Variants in KCTD8 observed in about 807,000 individuals in gnomAD.
KCTD8 encodes the protein BTB/POZ domain-containing protein KCTD8.
A neutral mutation model predicts 31.5 loss-of-function variants in KCTD8; 27 were observed. That is an observed-to-expected ratio of 0.86 (90% CI 0.63 to 1.18). The LOEUF is 1.18. Among genes scored for constraint, KCTD8 ranks in the 50% most tolerant of loss-of-function variants. The pLI, the probability that KCTD8 is intolerant of heterozygous loss-of-function variation, is 0.00. For missense variants in KCTD8, 658 were observed against 647.7 expected (o/e 1.02, Z -0.17); for synonymous variants, 290 against 280.0 (o/e 1.04, Z -0.36).
chr4:44,195,278 A>G (rs1713905056), intron 1 of KCTD8, among the ~76,000 whole-genome samples: 2 of 152,130 alleles, frequency 1.3e-5, no homozygotes, highest in Non-Finnish European at 2.9e-5. Flanking sequence ...AAGACTCCTA[A>G]TTAAGAATTA....
chr4:44,268,233 T>TATGCAAA (rs1189833136), intron 1 of KCTD8, among the ~76,000 whole-genome samples: 2 of 151,922 alleles, frequency 1.3e-5, no homozygotes, highest in Non-Finnish European at 2.9e-5. Flanking sequence ...GCAAGGCTGG[T>TATGCAAA]TCAATATATG....
intron 1 of KCTD8, among the ~76,000 whole-genome samples, chr4:44,422,758 T>A (rs1276319843): frequency 3.3e-5 from 5 of 152,056 alleles, no homozygotes; most frequent in Non-Finnish European, 7.4e-5. Context: ...GGCAGTAGAA[T>A]GAGAATAACA....
At chr4:44,316,360 GT>G (rs199534565) in intron 1 of KCTD8, among the ~76,000 whole-genome samples, 1 of 150,952 alleles carries the variant, frequency 6.6e-6, no homozygotes, top group East Asian at 1.9e-4. Context: ...CTTTTGTTTT[GT>G]TTTTTTTGTT....
intron 1 of KCTD8, among the ~76,000 whole-genome samples, chr4:44,394,958 T>A (rs1052310478): frequency 2.0e-5 from 3 of 152,100 alleles, no homozygotes; most frequent in South Asian, 2.1e-4. Context: ...TGATGGTCCT[T>A]CGTGTTCTCA....
Position 44,447,505 on chromosome 4 carries a change from T to A in KCTD8, c.961+58A>T. On this transcript the variant is annotated intron_variant, in intron 1 of 1. Coordinates refer to ENST00000360029, the MANE Select transcript of KCTD8 (RefSeq NM_198353.3). ...GCGGGGCCTCCAGCGGGGCTCAAACTGGCGGCGGCTCAGCAGGGGGCGAGG... is the reference window on the plus strand; with the variant it reads ...GCGGGGCCTCCAGCGGGGCTCAAACAGGCGGCGGCTCAGCAGGGGGCGAGG... 4.8e-6 allele frequency: 7 copies of A among 1,454,026 alleles called. 1 individual carries two copies. Among genetic ancestry groups the A allele is most frequent in the Middle Eastern group, 1.9e-4 (1 of 5,346 alleles). The allele number at this position is 1,454,026 out of a possible 1,614,324, so 90.1% of individuals were successfully genotyped here.
chr4:44,178,470 ATGT>A (rs1244529932), intron 1 of KCTD8, among the ~76,000 whole-genome samples: 13 of 152,200 alleles, frequency 8.5e-5, no homozygotes, highest in East Asian at 3.9e-4. Flanking sequence ...ATATAAATAA[ATGT>A]TGTTTTTTTT....
At chr4:44,241,844 T>C (rs937062) in intron 1 of KCTD8, among the ~76,000 whole-genome samples, 8,135 of 152,198 alleles carry the variant, frequency 0.053, 737 homozygotes, top group African/African-American at 0.19. Context: ...GTAATGAAGA[T>C]TGTTTCAGAG....
intron 1 of KCTD8, among the ~76,000 whole-genome samples, chr4:44,257,700 C>T (rs942763611): frequency 3.3e-5 from 5 of 152,070 alleles, no homozygotes; most frequent in Admixed American, 6.6e-5. Flanking sequence ...CTGATGTCAT[C>T]GGTGCCAGCT....
At position 44,318,488 on chromosome 4, in the gene KCTD8, T is replaced by TA. The variant is rs376207203; in HGVS notation, c.961+129074dup. On this transcript the variant is annotated intron_variant, in intron 1 of 1. Coordinates refer to ENST00000360029, the MANE Select transcript of KCTD8 (RefSeq NM_198353.3). ...AAGATGTCATCTGGAACGTGAAACTTAAAAAAAATGTTTTACTAGGAGGAA... is the reference window on the plus strand; with the variant it reads ...AAGATGTCATCTGGAACGTGAAACTTAAAAAAAAATGTTTTACTAGGAGGAA... Among the ~76,000 whole-genome samples, 231 of 152,058 alleles carry TA rather than the reference T, an allele frequency of 1.5e-3. 3 individuals are homozygous for TA. Among genetic ancestry groups the TA allele is most frequent in the South Asian group, 0.013 (64 of 4,814 alleles).
At position 44,447,562 on chromosome 4, in the gene KCTD8, C is replaced by T; in HGVS notation, c.961+1G>A. 6.4e-7 allele frequency: 1 copy of T among 1,550,674 alleles called. No individual in the cohort carries two copies. Among genetic ancestry groups the T allele is most frequent in the Non-Finnish European group, 8.7e-7 (1 of 1,143,210 alleles). On this transcript the variant is annotated splice_donor_variant, in intron 1 of 1. Transcript: ENST00000360029. LOFTEE classifies it high-confidence loss of function. ...GGGAAACGCCGGGGCTGCGAACTTA[C>T]GGAAGAAAATGTACTCGGTGTAGCT...
intron 1 of KCTD8, among the ~76,000 whole-genome samples, chr4:44,422,397 C>A (rs1721235924): frequency 6.6e-6 from 1 of 151,940 alleles, no homozygotes; most frequent in Non-Finnish European, 1.5e-5. Context: ...GAACTAACAT[C>A]CATAGCCAAG....
chr4:44,305,075 G>A (rs1717761288), intron 1 of KCTD8, among the ~76,000 whole-genome samples: 1 of 151,836 alleles, frequency 6.6e-6, no homozygotes, highest in Non-Finnish European at 1.5e-5. Flanking sequence ...GTAGAATAAA[G>A]GATTTGATTA....
chr4:44,418,779 A>G (rs533300940), intron 1 of KCTD8, among the ~76,000 whole-genome samples: 1 of 152,276 alleles, frequency 6.6e-6, no homozygotes, highest in African/African-American at 2.4e-5. Flanking sequence ...AGTGGTAAAA[A>G]CAGATACTAT....
In KCTD8 at chr4:44,433,482, T is replaced by C. The variant is rs374250495; in HGVS notation, c.961+14081A>G. Among the ~76,000 whole-genome samples the C allele has an allele frequency of 3.3e-5, 5 of 151,766 alleles. No individual in the cohort carries two copies. The East Asian group carries it at 7.7e-4, about 24-fold the overall frequency. ...GATGAGAAATTCAAGGAAGGTTTTA[T>C]GGAGCTCTTCACAGATGGGAGTATA... On this transcript the variant is annotated intron_variant, in intron 1 of 1. Transcript: ENST00000360029.
At chr4:44,190,352 C>A (rs1713728874) in intron 1 of KCTD8, among the ~76,000 whole-genome samples, 1 of 152,216 alleles carries the variant, frequency 6.6e-6, no homozygotes, top group Non-Finnish European at 1.5e-5. Flanking sequence ...CACATGCATT[C>A]CTGTCTTTAA....
At chr4:44,360,331 T>A (rs1009651645) in intron 1 of KCTD8, among the ~76,000 whole-genome samples, 4 of 152,010 alleles carry the variant, frequency 2.6e-5, no homozygotes, top group African/African-American at 9.7e-5. Context: ...GCTCCCTGTT[T>A]TGCTTTACAC....
At chr4:44,395,855 C>T (rs1720490891) in intron 1 of KCTD8, among the ~76,000 whole-genome samples, 1 of 152,086 alleles carries the variant, frequency 6.6e-6, no homozygotes, top group African/African-American at 2.4e-5. Flanking sequence ...CAGCAGTCTC[C>T]AACCATTTTG....
intron 1 of KCTD8, among the ~76,000 whole-genome samples, chr4:44,313,275 C>T (rs1049641912): frequency 6.6e-6 from 1 of 152,154 alleles, no homozygotes; most frequent in African/African-American, 2.4e-5. Flanking sequence ...CCACTACCTA[C>T]TTAAAGCATT....
intron 1 of KCTD8, among the ~76,000 whole-genome samples, chr4:44,337,061 T>C (rs1197470536): frequency 6.6e-6 from 1 of 152,114 alleles, no homozygotes. Context: ...TAATATGTCA[T>C]AAAAGAAGAT....
Sources: gnomAD v4.1 joint callset for allele counts (sites outside exome capture counted in the v4.1 genomes callset) on GRCh38, gnomAD v4.1.1 for gene constraint, MANE v1.5 for transcripts, NCBI Gene and HGNC (gene_info 2026-07-23, HGNC 2026-07-21) for gene names.